Variants in CLSTN2 observed in about 807,000 individuals in gnomAD.
CLSTN2 encodes calsyntenin 2, also known as calsyntenin-2.
In CLSTN2, 48 loss-of-function variants were observed where a neutral mutation model predicts 101.2. The observed-to-expected ratio is 0.47, with a 90% CI of 0.38 to 0.60. CLSTN2 has a LOEUF of 0.60. Among genes scored for constraint, CLSTN2 ranks in the 20% least tolerant of loss-of-function variants. The pLI is 0.00. For missense variants in CLSTN2, 1,160 were observed against 1,238.2 expected (o/e 0.94, Z 0.95); for synonymous variants, 481 against 463.6 (o/e 1.04, Z -0.48).
intron 1 of CLSTN2, among the ~76,000 whole-genome samples, chr3:140,075,961 C>T (rs1362356322): frequency 6.6e-6 from 1 of 152,060 alleles, no homozygotes; most frequent in African/African-American, 2.4e-5. Context: ...GAGGTCTACC[C>T]TCTTAAAAAT....
intron 8 of CLSTN2, among the ~76,000 whole-genome samples, chr3:140,519,105 G>A (rs1356284971): frequency 2.6e-5 from 4 of 152,204 alleles, no homozygotes; most frequent in African/African-American, 9.7e-5. Flanking sequence ...TCATCCAGGA[G>A]CAGGTTGTGT....
At chr3:139,947,721 T>G (rs574210948) in intron 1 of CLSTN2, among the ~76,000 whole-genome samples, 1 of 152,366 alleles carries the variant, frequency 6.6e-6, no homozygotes, top group East Asian at 1.9e-4. Flanking sequence ...TATTGTGCTA[T>G]CATCAGAAAT....
At chr3:139,975,046 A>G (rs1432394832) in intron 1 of CLSTN2, among the ~76,000 whole-genome samples, 1 of 152,312 alleles carries the variant, frequency 6.6e-6, no homozygotes, top group East Asian at 1.9e-4. Flanking sequence ...TCTATGGAGG[A>G]GGAGCTGTGT....
intron 5 of CLSTN2, among the ~76,000 whole-genome samples, chr3:140,427,388 T>G (rs1258602063): frequency 6.6e-6 from 1 of 151,444 alleles, no homozygotes; most frequent in Non-Finnish European, 1.5e-5. Flanking sequence ...GGCCCCCAGA[T>G]GGATTATGAT....
intron 2 of CLSTN2, among the ~76,000 whole-genome samples, chr3:140,320,620 G>GGGC (rs113088475): frequency 2.2e-4 from 32 of 146,180 alleles, no homozygotes; most frequent in South Asian, 1.4e-3. Context: ...GCGGGGGGGG[G>GGGC]CAGGGGTCAA....
intron 13 of CLSTN2, 67 bp from the exon 14 acceptor site, chr3:140,562,744 T>G: frequency 1.3e-6 from 2 of 1,556,896 alleles, no homozygotes; most frequent in African/African-American, 2.7e-5. Flanking sequence ...AAGCCCTGGC[T>G]TGTCTCCTCT....
At chr3:140,164,936 TG>T (rs750191165) in intron 1 of CLSTN2, among the ~76,000 whole-genome samples, 54 of 151,644 alleles carry the variant, frequency 3.6e-4, no homozygotes, top group South Asian at 6.3e-4. Flanking sequence ...GGTAGATGGG[TG>T]GGTGGATGGA....
chr3:140,083,257 C>T (rs1469307525), intron 1 of CLSTN2, among the ~76,000 whole-genome samples: 2 of 152,162 alleles, frequency 1.3e-5, no homozygotes, highest in Admixed American at 6.5e-5. Flanking sequence ...ACTCTGTGCC[C>T]AGTGCCAGAC....
At chr3:139,936,057 G>A (rs1935014098) in intron 1 of CLSTN2, among the ~76,000 whole-genome samples, 1 of 152,166 alleles carries the variant, frequency 6.6e-6, no homozygotes, top group Non-Finnish European at 1.5e-5. Flanking sequence ...AGCGCGGGAT[G>A]TGAGGCTCCC....
At chr3:140,058,540 A>C (rs552185205) in intron 1 of CLSTN2, among the ~76,000 whole-genome samples, 1 of 152,148 alleles carries the variant, frequency 6.6e-6, no homozygotes, top group African/African-American at 2.4e-5. Flanking sequence ...GAAGGGGGTG[A>C]TATCTTTGGG....
At chr3:140,016,457 T>G (rs958488582) in intron 1 of CLSTN2, among the ~76,000 whole-genome samples, 1 of 152,174 alleles carries the variant, frequency 6.6e-6, no homozygotes, top group African/African-American at 2.4e-5. Flanking sequence ...ATATGAAATT[T>G]TTTTTCAATG....
intron 2 of CLSTN2, among the ~76,000 whole-genome samples, chr3:140,358,013 G>C (rs914218338): frequency 7.9e-5 from 12 of 152,138 alleles, no homozygotes; most frequent in African/African-American, 2.7e-4. Flanking sequence ...ACTGAGGGAG[G>C]CTACTCATGT....
intron 1 of CLSTN2, among the ~76,000 whole-genome samples, chr3:139,989,474 C>T (rs969884995): frequency 2.0e-5 from 3 of 152,138 alleles, no homozygotes; most frequent in African/African-American, 7.2e-5. Flanking sequence ...CTTACTTCCA[C>T]GTGGCCTGTT....
At chr3:140,564,233 A>C (rs1296637474) in intron 16 of CLSTN2, 88 bp downstream of exon 16, 2 of 1,219,950 alleles carry the variant, frequency 1.6e-6, no homozygotes, top group Non-Finnish European at 2.3e-6. Flanking sequence ...GCAGCCCCAT[A>C]CCCCCTCCTT....
intron 12 of CLSTN2, 27 bp downstream of exon 12, chr3:140,558,884 A>G (rs764779924): frequency 2.1e-5 from 34 of 1,589,118 alleles, no homozygotes; most frequent in Middle Eastern, 2.0e-4. Flanking sequence ...GTTTGTGGGG[A>G]GGGTGGACCT....
chr3:140,259,169 T>TGA (rs1553726160), intron 2 of CLSTN2, among the ~76,000 whole-genome samples: 1 of 3,538 alleles, frequency 2.8e-4, no homozygotes, highest in Admixed American at 4.7e-3. Flanking sequence ...AATAATTGAT[T>TGA]GAAAAAAAAA....
intron 5 of CLSTN2, among the ~76,000 whole-genome samples, chr3:140,441,023 T>C (rs1441693806): frequency 6.6e-6 from 1 of 152,256 alleles, no homozygotes; most frequent in Non-Finnish European, 1.5e-5. Context: ...CCAGCGTCTC[T>C]GATTCCTCAC....
rs34831776 is a variant in CLSTN2, at chr3:140,353,242, C to CATATAT, written c.233-50370_233-50365dup. Among the ~76,000 whole-genome samples the CATATAT allele has an allele frequency of 6.8e-4, 100 of 146,820 alleles. No individual in the cohort carries two copies. In the South Asian group the frequency reaches 0.011, roughly 17 times the overall value. On this transcript the variant is annotated intron_variant, in intron 2 of 16. Transcript: ENST00000458420. ...TGGAATATATATATGTATGTTTACACATATATATATATATATATATATGTT... is the reference window on the plus strand; with the variant it reads ...TGGAATATATATATGTATGTTTACACATATATATATATATATATATATATATATGTT...
rs879862860 is a variant in CLSTN2, at chr3:139,983,311, A to C, written c.109+47828A>C. ...AAAAAAGATGGGAAGGATGGTTTTC[A>C]TCTGATTTAGTATAATCTAACCACA... On this transcript the variant is annotated intron_variant, in intron 1 of 16. Transcript: ENST00000458420. 2.0e-5 allele frequency among the ~76,000 whole-genome samples: 3 copies of C among 152,206 alleles called. No homozygotes were observed. In the East Asian group the frequency reaches 5.8e-4, roughly 29 times the overall value.
Sources: allele counts gnomAD v4.1 joint callset (sites outside exome capture counted in the v4.1 genomes callset), GRCh38; gene constraint gnomAD v4.1.1; transcripts MANE v1.5; gene names NCBI Gene and HGNC (gene_info 2026-07-23, HGNC 2026-07-21).